FBLN1: variants seen among roughly 807,000 people sequenced by gnomAD.
The protein encoded by FBLN1 is fibulin-1.
Under a neutral mutation model 89.7 loss-of-function variants are expected in FBLN1, and 34 were observed. The ratio of observed to expected loss-of-function variants is 0.38; its 90% CI spans 0.29 to 0.50. FBLN1 has a LOEUF of 0.50. FBLN1 is among the 20% of genes least tolerant of loss of function. The pLI is 0.92. For missense variants in FBLN1, 777 were observed against 988.1 expected (o/e 0.79, Z 2.86); for synonymous variants, 393 against 391.3 (o/e 1.00, Z -0.05).
At position 45,536,834 on chromosome 22, in the gene FBLN1, G is replaced by T. The variant is rs1289324664; in HGVS notation, c.922+1497G>T. ...AATATGAAAAGAGAGAATCCCATGTGAACTTAGTATGAATTTAGGAGGCCT... is the reference window on the plus strand; with the variant it reads ...AATATGAAAAGAGAGAATCCCATGTTAACTTAGTATGAATTTAGGAGGCCT... On this transcript the variant is annotated intron_variant, in intron 8 of 16. Coordinates refer to ENST00000327858, the MANE Select transcript of FBLN1 (RefSeq NM_006486.3). The surrounding 1 kb of genome is among the most constrained non-coding windows in gnomAD (Gnocchi z 5.1). 6.6e-6 allele frequency among the ~76,000 whole-genome samples: 1 copy of T among 152,184 alleles called. No individual in the cohort carries two copies. The highest frequency in any genetic ancestry group is 2.4e-5 in the African/African-American group (1 of 41,444).
chr22:45,571,111 CAAAAAAA>C (rs542647353), intron 14 of FBLN1, among the ~76,000 whole-genome samples: 11 of 70,850 alleles, frequency 1.6e-4, no homozygotes, highest in South Asian at 1.2e-3. Context: ...ACAAGAGTCT[CAAAAAAA>C]AAAAAAAAAA....
At chr22:45,595,557 A>G (rs1288624880) in intron 16 of FBLN1, among the ~76,000 whole-genome samples, 4 of 110,812 alleles carry the variant, frequency 3.6e-5, no homozygotes, top group Admixed American at 1.9e-4. Flanking sequence ...GCTGTTTACA[A>G]TCAGCTTGGA....
At position 45,527,878 on chromosome 22, in the gene FBLN1, CGGCCCA is replaced by C. The variant is rs766150360; in HGVS notation, c.362_367del (p.Ala121_Gln122del). 6.2e-7 allele frequency: 1 copy of C among 1,614,032 alleles called. No individual in the cohort carries two copies. The highest frequency in any genetic ancestry group is 8.5e-7 in the Non-Finnish European group (1 of 1,180,000). ...TGCCATTGCTGTCTGCTGGGGAGGGCGGCCCAGGCCCAGGGCCAGAGCTGCGAGTAC... is the reference window on the plus strand; with the variant it reads ...TGCCATTGCTGTCTGCTGGGGAGGGCGGCCCAGGGCCAGAGCTGCGAGTAC... On this transcript the variant is annotated inframe_deletion, in exon 4 of 17. Coordinates refer to ENST00000327858, the MANE Select transcript of FBLN1 (RefSeq NM_006486.3).
chr22:45,558,915 A>G (rs538072609), intron 14 of FBLN1, among the ~76,000 whole-genome samples: 17 of 152,218 alleles, frequency 1.1e-4, no homozygotes, highest in Non-Finnish European at 2.4e-4. Context: ...TGTGTTTGCT[A>G]CTTCTCACTT....
chr22:45,518,867 C>G lies in FBLN1; in HGVS notation c.185+80C>G. Reference sequence around the variant, plus strand: ...TGGGGGAGGAAGGGACAGTGTGTGCCAGACCTCTCGGGAGAGGCTGGACAC... The same window carrying G: ...TGGGGGAGGAAGGGACAGTGTGTGCGAGACCTCTCGGGAGAGGCTGGACAC... On this transcript the variant is annotated intron_variant, in intron 2 of 16. Coordinates refer to ENST00000327858, the MANE Select transcript of FBLN1 (RefSeq NM_006486.3). 5 of 1,289,084 alleles carry G rather than the reference C, an allele frequency of 3.9e-6. No homozygotes were observed. In the South Asian group the frequency reaches 6.3e-5, roughly 16 times the overall value. The allele number at this position is 1,289,084 out of a possible 1,614,324, so 79.9% of individuals were successfully genotyped here.
intron 9 of FBLN1, 45 bp from the exon 10 acceptor site, chr22:45,542,110 C>T (rs779585942): frequency 7.4e-6 from 12 of 1,613,846 alleles, no homozygotes; most frequent in Admixed American, 5.0e-5. Flanking sequence ...GGGGAAAAAA[C>T]CCAAACTAAA....
Position 45,543,259 on chromosome 22 carries a change from C to T in FBLN1, c.1196-142C>T, listed in dbSNP as rs982216109. 8.8e-6 allele frequency: 9 copies of T among 1,026,756 alleles called. No individual in the cohort carries two copies. In the African/African-American group the frequency reaches 1.4e-4, roughly 16 times the overall value. 63.6% of individuals were successfully genotyped at this position (1,026,756 alleles called of 1,614,324 possible). ...CCAGCCTAGGAGACAGAGCGAGACT[C>T]CATCTCAAAGATGAAGGAAAAAAAA... On this transcript the variant is annotated intron_variant, in intron 10 of 16. Transcript: ENST00000327858.
chr22:45,522,709 A>T (rs2146955725), intron 2 of FBLN1, among the ~76,000 whole-genome samples: 1 of 152,364 alleles, frequency 6.6e-6, no homozygotes, highest in Admixed American at 6.5e-5. Flanking sequence ...CTTGGGATCC[A>T]GATCTAAATC....
At chr22:45,593,797 C>G (rs1315399999) in intron 16 of FBLN1, among the ~76,000 whole-genome samples, 1 of 152,238 alleles carries the variant, frequency 6.6e-6, no homozygotes, top group East Asian at 1.9e-4. Flanking sequence ...CTTCTTCCTT[C>G]TCTCCTTCCT....
chr22:45,510,930 C>G (rs1258777634), intron 1 of FBLN1, among the ~76,000 whole-genome samples: 1 of 152,214 alleles, frequency 6.6e-6, no homozygotes, highest in African/African-American at 2.4e-5. Flanking sequence ...ACCAGTTACT[C>G]CGGCAGGCAT....
rs560262739 is a variant in FBLN1, at chr22:45,574,812, C to T, written c.1840+159C>T. The stretch of plus-strand genomic sequence containing the variant: ...TTTTTTTTTTTTTGAGACGGAGTCT[C>T]GCTCTGTCGCCCGGGCTGGAGTGCA... On this transcript the variant is annotated intron_variant, in intron 15 of 16. Transcript: ENST00000327858. This position sits in a 1 kb window ranked among gnomAD's most constrained non-coding sequence, Gnocchi z 4.1. 1.1e-4 allele frequency among the ~76,000 whole-genome samples: 15 copies of T among 137,580 alleles called. No individual in the cohort carries two copies. In the East Asian group the frequency reaches 2.3e-3, roughly 21 times the overall value. The allele number at this position is 137,580 out of a possible 152,430, so 90.3% of individuals were successfully genotyped here.
chr22:45,521,124 G>A (rs1375068018), intron 2 of FBLN1, among the ~76,000 whole-genome samples: 4 of 152,046 alleles, frequency 2.6e-5, no homozygotes, highest in Admixed American at 2.0e-4. Flanking sequence ...CCAATTTTGG[G>A]GTTATCTTTA....
At chr22:45,552,492 C>T (rs1266638730) in intron 14 of FBLN1, among the ~76,000 whole-genome samples, 1 of 152,210 alleles carries the variant, frequency 6.6e-6, no homozygotes, top group African/African-American at 2.4e-5. Flanking sequence ...TATTTTACAG[C>T]CCCTTTTCCT....
chr22:45,569,594 A>T (rs985131145), intron 14 of FBLN1, among the ~76,000 whole-genome samples: 2 of 151,988 alleles, frequency 1.3e-5, no homozygotes, highest in African/African-American at 2.4e-5. Flanking sequence ...AGCCGAGATC[A>T]TGCCACTGTA....
At chr22:45,571,067 G>A (rs2147023118) in intron 14 of FBLN1, among the ~76,000 whole-genome samples, 1 of 145,104 alleles carries the variant, frequency 6.9e-6, no homozygotes, top group African/African-American at 2.5e-5. Flanking sequence ...GTTGCAGGGA[G>A]CCGAGATCAT....
rs947649204 is a variant in FBLN1, at chr22:45,504,280, C to G, written c.79+1216C>G. On this transcript the variant is annotated intron_variant, in intron 1 of 16. Transcript: ENST00000327858. ...AGCTTTCTTGACTGGCTGGCTGCAGCAGAGCCCTGTGGAGCTCTGATTGTT... is the reference window on the plus strand; with the variant it reads ...AGCTTTCTTGACTGGCTGGCTGCAGGAGAGCCCTGTGGAGCTCTGATTGTT... 2.0e-5 allele frequency among the ~76,000 whole-genome samples: 3 copies of G among 152,196 alleles called. No individual in the cohort carries two copies. The East Asian group carries it at 5.8e-4, about 29-fold the overall frequency.
chr22:45,591,121 C>T (rs1252963937), intron 16 of FBLN1, among the ~76,000 whole-genome samples: 1 of 152,210 alleles, frequency 6.6e-6, no homozygotes, highest in Non-Finnish European at 1.5e-5. Flanking sequence ...CTTCCTTTGG[C>T]AAGGCCACAG....
At chr22:45,599,424 A>G (rs1283210255) in intron 16 of FBLN1, among the ~76,000 whole-genome samples, 1 of 152,228 alleles carries the variant, frequency 6.6e-6, no homozygotes, top group Non-Finnish European at 1.5e-5. Flanking sequence ...GTCCGGAGGC[A>G]TGCCCCATGG....
chr22:45,563,397 G>A lies in FBLN1; in HGVS notation c.1698-11114G>A. 3 of 1,528,592 alleles carry A rather than the reference G, an allele frequency of 2.0e-6. No individual in the cohort carries two copies. Among genetic ancestry groups the A allele is most frequent in the South Asian group, 1.2e-5 (1 of 83,106 alleles). 94.7% of individuals were successfully genotyped at this position (1,528,592 alleles called of 1,614,324 possible). The stretch of plus-strand genomic sequence containing the variant: ...GCCTTGGTTTTATTTGGCATGGTTG[G>A]GAGTCTGTGCCGCTTGTTACCCGGG... On this transcript the variant is annotated intron_variant, in intron 14 of 16. Coordinates refer to ENST00000327858, the MANE Select transcript of FBLN1 (RefSeq NM_006486.3). The surrounding 1 kb of genome is among the most constrained non-coding windows in gnomAD (Gnocchi z 5.7).
Sources: allele counts gnomAD v4.1 joint callset (sites outside exome capture counted in the v4.1 genomes callset), GRCh38; gene constraint gnomAD v4.1.1; non-coding constraint Gnocchi (gnomAD v3.1); transcripts MANE v1.5; gene names NCBI Gene and HGNC (gene_info 2026-07-23, HGNC 2026-07-21).